The following CRX variants were observed in gnomAD, a reference collection of about 807,000 sequenced individuals.
The protein encoded by CRX is cone-rod homeobox.
A neutral mutation model predicts 13.1 loss-of-function variants in CRX; 5 were observed. The ratio of observed to expected loss-of-function variants is 0.38; its 90% CI spans 0.20 to 0.80. CRX has a LOEUF of 0.80. CRX is among the 30% of genes least tolerant of loss of function. The probability of loss-of-function intolerance (pLI) is 0.43; values close to 1 mark genes in which losing one functional copy is unlikely to be tolerated. For synonymous variants in CRX, 179 were observed against 171.1 expected, an observed-to-expected ratio of 1.05 and a Z score of -0.36; for missense variants, 351 against 391.8, an observed-to-expected ratio of 0.90 and a Z score of 0.88.
chr19:47,831,366 G>C (rs540210894), intron 1 of CRX, among the ~76,000 whole-genome samples: 16 of 150,346 alleles, frequency 1.1e-4, no homozygotes, highest in Non-Finnish European at 2.1e-4. Flanking sequence ...CCTTAGAATA[G>C]GGTCCCCAAC....
In CRX at chr19:47,842,126, G is replaced by C. The variant is rs1968204739; in HGVS notation, c.*2159G>C. The C allele has an allele frequency of 6.5e-6, 1 of 152,720 alleles. No individual in the cohort carries two copies. The highest frequency in any genetic ancestry group is 1.5e-5 in the Non-Finnish European group (1 of 68,424). The allele number at this position is 152,720 out of a possible 1,614,324, so 9.5% of individuals were successfully genotyped here. Reference sequence around the variant, plus strand: ...GGCGAGATGTGAAGAGAGGCCGGGAGGTATCAGATGACGTTTCCAGCACTA... The same window carrying C: ...GGCGAGATGTGAAGAGAGGCCGGGACGTATCAGATGACGTTTCCAGCACTA... On this transcript the variant is annotated 3_prime_UTR_variant, in exon 4 of 4. Transcript: ENST00000221996.
chr19:47,843,039 G>A lies in CRX; in HGVS notation c.*3072G>A, dbSNP rs1378606918. The A allele has an allele frequency of 6.6e-6, 1 of 152,278 alleles. No individual in the cohort carries two copies. Among genetic ancestry groups the A allele is most frequent in the African/African-American group, 2.4e-5 (1 of 41,450 alleles). 9.4% of individuals were successfully genotyped at this position (152,278 alleles called of 1,614,324 possible). ...CCTGGGGTCTTCTGAGACTCCACCA[G>A]GAGCCGGAGAGGGCAGGGAGCCAAA... On this transcript the variant is annotated 3_prime_UTR_variant, in exon 4 of 4. Transcript: ENST00000221996.
intron 1 of CRX, among the ~76,000 whole-genome samples, chr19:47,832,024 C>T (rs1968053385): frequency 6.7e-6 from 1 of 149,770 alleles, no homozygotes; most frequent in African/African-American, 2.5e-5. Flanking sequence ...CAGATGTGAG[C>T]CACCACACCT....
At chr19:47,822,856 C>T (rs919416380) in intron 1 of CRX, among the ~76,000 whole-genome samples, 2 of 151,938 alleles carry the variant, frequency 1.3e-5, no homozygotes, top group African/African-American at 2.4e-5. Context: ...TGCAGTGCCA[C>T]GATCTCCACT....
At chr19:47,826,452 A>T (rs898524131) in intron 1 of CRX, among the ~76,000 whole-genome samples, 1 of 152,150 alleles carries the variant, frequency 6.6e-6, no homozygotes, top group African/African-American at 2.4e-5. Context: ...ACAAAAATTT[A>T]AAAAATTAGC....
rs139778328 is a variant in CRX, at chr19:47,836,244, C to T, written c.102C>T (p.Ser34=). Residue 34 remains serine, a splice_region_variant and synonymous_variant, in exon 3 of 4, where the codon AGC becomes AGT. Transcript: ENST00000221996. ...DLMHQAVPYP[S]APRKQRRERT... is the part of the protein sequence containing the mutation. ...GTCCTGTTTCCCATCCCACCCCAGG[C>T]GCCCCCAGGAAGCAGCGGCGGGAGC... 250 of 1,614,174 alleles carry T rather than the reference C, an allele frequency of 1.5e-4. No homozygotes were observed. The African/African-American group carries it at 2.3e-3, about 15-fold the overall frequency.
chr19:47,834,548 G>A lies in CRX; in HGVS notation c.100+5G>A, dbSNP rs1568624185. 7 of 1,612,078 alleles carry A rather than the reference G, an allele frequency of 4.3e-6. No homozygotes were observed. Among genetic ancestry groups the A allele is most frequent in the African/African-American group, 1.3e-5 (1 of 74,892 alleles). On this transcript the variant is annotated splice_donor_5th_base_variant and intron_variant, in intron 2 of 3. Coordinates refer to ENST00000221996, the MANE Select transcript of CRX (RefSeq NM_000554.6). ...ACCAGGCTGTGCCCTACCCAAGTGAGTACAGTCGTTTCTCTTGGCACCCCA... is the reference window on the plus strand; with the variant it reads ...ACCAGGCTGTGCCCTACCCAAGTGAATACAGTCGTTTCTCTTGGCACCCCA...
At chr19:47,828,342 G>C (rs1968001779) in intron 1 of CRX, among the ~76,000 whole-genome samples, 1 of 152,036 alleles carries the variant, frequency 6.6e-6, no homozygotes, top group African/African-American at 2.4e-5. Flanking sequence ...AAAATAAACA[G>C]AATCTGTCCC....
intron 1 of CRX, among the ~76,000 whole-genome samples, chr19:47,827,230 G>A (rs759800332): frequency 2.0e-5 from 3 of 152,064 alleles, no homozygotes; most frequent in Admixed American, 6.6e-5. Context: ...GAGCCTTCTC[G>A]TGACATTCCT....
At chr19:47,824,161 T>C (rs964316245) in intron 1 of CRX, among the ~76,000 whole-genome samples, 4 of 152,144 alleles carry the variant, frequency 2.6e-5, no homozygotes, top group Admixed American at 6.6e-5. Flanking sequence ...CTAGGTAGAC[T>C]TGGGGGTGAA....
intron 2 of CRX, among the ~76,000 whole-genome samples, chr19:47,835,371 T>G (rs1968104360): frequency 6.6e-6 from 1 of 151,292 alleles, no homozygotes; most frequent in Non-Finnish European, 1.5e-5. Context: ...AAAGCCTTAT[T>G]TCTTTTTCTT....
At chr19:47,829,515 G>C (rs1464053144) in intron 1 of CRX, among the ~76,000 whole-genome samples, 8 of 151,968 alleles carry the variant, frequency 5.3e-5, no homozygotes, top group Non-Finnish European at 8.8e-5. Flanking sequence ...ATTTTTAGTA[G>C]AGACAGGGTT....
intron 1 of CRX, among the ~76,000 whole-genome samples, chr19:47,826,035 C>T (rs1444951761): frequency 1.3e-5 from 2 of 152,166 alleles, no homozygotes; most frequent in Non-Finnish European, 2.9e-5. Context: ...GATTTGACGG[C>T]GAAGACAATG....
At position 47,833,029 on chromosome 19, in the gene CRX, CTTTTTT is replaced by C. The variant is rs35088115; in HGVS notation, c.-35-1364_-35-1359del. ...AGTGATCATGGAAGATCCACACTCGCTTTTTTTTTTTTTTTTTTTTTGAGATAGGGG... is the reference window on the plus strand; with the variant it reads ...AGTGATCATGGAAGATCCACACTCGCTTTTTTTTTTTTTTTGAGATAGGGG... On this transcript the variant is annotated intron_variant, in intron 1 of 3. Transcript: ENST00000221996. Among the ~76,000 whole-genome samples, 6 of 88,272 alleles carry C rather than the reference CTTTTTT, an allele frequency of 6.8e-5. 1 individual carries two copies. Among genetic ancestry groups the C allele is most frequent in the Admixed American group, 2.5e-4 (2 of 7,948 alleles). The allele number at this position is 88,272 out of a possible 152,430, so 57.9% of individuals were successfully genotyped here.
intron 2 of CRX, among the ~76,000 whole-genome samples, chr19:47,835,257 T>C (rs1009649257): frequency 6.6e-6 from 1 of 151,582 alleles, no homozygotes. Context: ...TGGGTCTCCC[T>C]ATGTTGCCCA....
chr19:47,836,170 TCCCACCCAGCCTCAGGG>T, intron 2 of CRX, 56 bp from the exon 3 acceptor site: 1 of 1,591,366 alleles, frequency 6.3e-7, no homozygotes, highest in Admixed American at 1.7e-5. Context: ...ATTCTTGGCA[TCCCACCCAGCCTCAGGG>T]CCTCACACCA....
intron 1 of CRX, among the ~76,000 whole-genome samples, chr19:47,833,803 T>A (rs1246560199): frequency 6.6e-6 from 1 of 151,902 alleles, no homozygotes; most frequent in African/African-American, 2.4e-5. Context: ...TGGATGAGGG[T>A]GTGTAACAGG....
rs188017949 is a variant in CRX, at chr19:47,835,345, A to T, written c.100+802A>T. 1.6e-4 allele frequency among the ~76,000 whole-genome samples: 25 copies of T among 151,896 alleles called. No individual in the cohort carries two copies. In the East Asian group the frequency reaches 4.6e-3, roughly 28 times the overall value. On this transcript the variant is annotated intron_variant, in intron 2 of 3. Coordinates refer to ENST00000221996, the MANE Select transcript of CRX (RefSeq NM_000554.6). ...AGTGCTGGGATTACAGGCATGAGCC[A>T]CTGCACCTGGCCTGCAAAGCCTTAT... is the stretch of plus-strand genomic sequence containing the variant.
At chr19:47,837,747 A>G (rs1202025557) in intron 3 of CRX, among the ~76,000 whole-genome samples, 1 of 148,070 alleles carries the variant, frequency 6.8e-6, no homozygotes, top group Non-Finnish European at 1.5e-5. Flanking sequence ...TTATATAATT[A>G]TATGTATAAG....
Sources: allele counts gnomAD v4.1 joint callset (sites outside exome capture counted in the v4.1 genomes callset), GRCh38; gene constraint gnomAD v4.1.1; transcripts MANE v1.5; gene names NCBI Gene and HGNC (gene_info 2026-07-23, HGNC 2026-07-21).